Variants in ZBTB20 observed in about 807,000 individuals in gnomAD.
ZBTB20 encodes zinc finger and BTB domain-containing protein 20.
ZBTB20 carries 9 observed loss-of-function variants against 56.9 expected under a neutral mutation model. The ratio of observed to expected loss-of-function variants is 0.16; its 90% CI spans 0.10 to 0.28. The LOEUF is 0.28. Ranked by LOEUF, ZBTB20 falls within the 10% of genes least tolerant of loss-of-function variation. The probability of loss-of-function intolerance (pLI) is 1.00; values close to 1 mark genes in which losing one functional copy is unlikely to be tolerated. For synonymous variants in ZBTB20, 417 were observed against 420.7 expected, an observed-to-expected ratio of 0.99 and a Z score of 0.11; for missense variants, 655 against 1,003.0, an observed-to-expected ratio of 0.65 and a Z score of 4.69.
chr3:114,873,369 T>G (rs995002183), intron 4 of ZBTB20, among the ~76,000 whole-genome samples: 3 of 152,192 alleles, frequency 2.0e-5, no homozygotes, highest in Non-Finnish European at 4.4e-5. Flanking sequence ...TGCAAGCATG[T>G]AATTAAATGG....
At chr3:114,800,310 G>T (rs1181216876) in intron 5 of ZBTB20, among the ~76,000 whole-genome samples, 1 of 151,328 alleles carries the variant, frequency 6.6e-6, no homozygotes, top group Admixed American at 6.6e-5. Context: ...TCTTACCCTG[G>T]GCGTCTGAAT....
At chr3:114,570,224 C>A (rs2053265876) in intron 6 of ZBTB20, among the ~76,000 whole-genome samples, 1 of 151,738 alleles carries the variant, frequency 6.6e-6, no homozygotes, top group Non-Finnish European at 1.5e-5. Context: ...AAAGTGAGAT[C>A]ATAGAATTTT....
chr3:114,583,774 G>A (rs1482330440), intron 6 of ZBTB20, among the ~76,000 whole-genome samples: 3 of 152,194 alleles, frequency 2.0e-5, no homozygotes, highest in Admixed American at 6.5e-5. Context: ...TGAGGTCTCA[G>A]TTACTATAAT....
intron 7 of ZBTB20, chr3:114,418,973 T>C (rs1236332633): frequency 1.3e-5 from 2 of 152,010 alleles, no homozygotes; most frequent in African/African-American, 4.8e-5. Context: ...TCATTTAGGG[T>C]AGAAAGAAAA....
At chr3:114,697,106 A>G (rs1275081022) in intron 5 of ZBTB20, among the ~76,000 whole-genome samples, 2 of 151,718 alleles carry the variant, frequency 1.3e-5, no homozygotes, top group African/African-American at 4.8e-5. Flanking sequence ...AGAAAAAAAA[A>G]AAAGCATTAG....
At chr3:114,371,924 G>GC (rs946194242) in intron 10 of ZBTB20, among the ~76,000 whole-genome samples, 1 of 140,086 alleles carries the variant, frequency 7.1e-6, no homozygotes, top group African/African-American at 2.7e-5. Flanking sequence ...AAAAAAGAAA[G>GC]CAAAAAAAAA....
chr3:114,558,995 C>A (rs915665012), intron 6 of ZBTB20, among the ~76,000 whole-genome samples: 1 of 152,126 alleles, frequency 6.6e-6, no homozygotes, highest in Non-Finnish European at 1.5e-5. Context: ...TACATGCCAT[C>A]CGTGTGAGAT....
chr3:114,610,674 T>C (rs573862040), intron 6 of ZBTB20, among the ~76,000 whole-genome samples: 3 of 152,320 alleles, frequency 2.0e-5, no homozygotes, highest in South Asian at 2.1e-4. Context: ...TTGTCCCTAT[T>C]CAACATCCAT....
chr3:114,746,011 C>T (rs9826148), intron 5 of ZBTB20, among the ~76,000 whole-genome samples: 17,602 of 152,096 alleles, frequency 0.12, 1,208 homozygotes, highest in South Asian at 0.27. Context: ...GGGCCTATGG[C>T]GTAAAAGCAT....
chr3:114,368,790 T>G (rs2108416178), intron 10 of ZBTB20, among the ~76,000 whole-genome samples: 1 of 152,336 alleles, frequency 6.6e-6, no homozygotes, highest in South Asian at 2.1e-4. Flanking sequence ...TTGCAGTGCC[T>G]GTTAGCATGT....
chr3:114,346,068 A>C (rs549589719), intron 11 of ZBTB20, among the ~76,000 whole-genome samples: 1 of 152,348 alleles, frequency 6.6e-6, no homozygotes, highest in East Asian at 1.9e-4. Context: ...CCTAGAGATA[A>C]GGAAGTCCTC....
chr3:114,627,180 T>G (rs914673779), intron 6 of ZBTB20, among the ~76,000 whole-genome samples: 1 of 152,194 alleles, frequency 6.6e-6, no homozygotes, highest in Non-Finnish European at 1.5e-5. Flanking sequence ...ATCTGTAGTT[T>G]TCATCATATT....
intron 6 of ZBTB20, among the ~76,000 whole-genome samples, chr3:114,619,137 C>T (rs905334872): frequency 6.6e-6 from 1 of 152,094 alleles, no homozygotes; most frequent in African/African-American, 2.4e-5. Flanking sequence ...TGTTTGGTGC[C>T]AGGTTTGTAC....
chr3:114,703,974 T>C (rs1225193477), intron 5 of ZBTB20, among the ~76,000 whole-genome samples: 1 of 152,240 alleles, frequency 6.6e-6, no homozygotes, highest in African/African-American at 2.4e-5. Context: ...TTTTCTTATT[T>C]ATTTTTTGTT....
intron 5 of ZBTB20, among the ~76,000 whole-genome samples, chr3:114,769,917 G>C (rs1190044402): frequency 6.6e-6 from 1 of 151,412 alleles, no homozygotes; most frequent in Non-Finnish European, 1.5e-5. Flanking sequence ...AAATTAGCTG[G>C]GCATGGTGGT....
intron 4 of ZBTB20, among the ~76,000 whole-genome samples, chr3:114,895,203 T>C (rs1296008455): frequency 1.3e-5 from 2 of 152,150 alleles, no homozygotes; most frequent in Non-Finnish European, 2.9e-5. Flanking sequence ...AATTTCCTTC[T>C]CAAGAAAAAA....
chr3:114,341,123 C>T (rs2079728614), intron 11 of ZBTB20, among the ~76,000 whole-genome samples: 1 of 152,128 alleles, frequency 6.6e-6, no homozygotes, highest in African/African-American at 2.4e-5. Flanking sequence ...GCACACTGAC[C>T]AGACAGTATG....
chr3:114,586,879 A>G (rs2055222600), intron 6 of ZBTB20, among the ~76,000 whole-genome samples: 1 of 149,760 alleles, frequency 6.7e-6, no homozygotes, highest in Non-Finnish European at 1.5e-5. Flanking sequence ...GAGTGCCTTC[A>G]GACTCAAGAA....
chr3:114,540,564 T>C (rs1302157390), intron 6 of ZBTB20, among the ~76,000 whole-genome samples: 1 of 152,148 alleles, frequency 6.6e-6, no homozygotes, highest in Non-Finnish European at 1.5e-5. Flanking sequence ...TTATCCCCAG[T>C]GCAGGCTACA....
Sources: gnomAD v4.1 joint callset for allele counts (sites outside exome capture counted in the v4.1 genomes callset) on GRCh38, gnomAD v4.1.1 for gene constraint, MANE v1.5 for transcripts, NCBI Gene and HGNC (gene_info 2026-07-23, HGNC 2026-07-21) for gene names.